Variants in GALNT13 observed in about 807,000 individuals in gnomAD.
The protein encoded by GALNT13 is UDP-GalNAc:polypeptide N-acetylgalactosaminyltransferase 13.
Under a neutral mutation model 64.2 loss-of-function variants are expected in GALNT13, and 28 were observed. The ratio of observed to expected loss-of-function variants is 0.44; its 90% confidence interval spans 0.32 to 0.60. GALNT13 has a LOEUF of 0.60. Ranked by LOEUF, GALNT13 falls within the 20% of genes least tolerant of loss-of-function variation. The pLI is 0.05. For missense variants in GALNT13, 577 were observed against 669.8 expected, an observed-to-expected ratio of 0.86 and a Z score of 1.53; for synonymous variants, 214 against 224.6, an observed-to-expected ratio of 0.95 and a Z score of 0.42.
the GALNT13 span, among the ~76,000 whole-genome samples, chr2:153,628,826 G>T: frequency 1.2e-4 from 19 of 152,146 alleles, 1 homozygote; most frequent in South Asian, 2.7e-3. Flanking sequence ...TTGTGTCTCT[G>T]CCTGGCTTTG....
the GALNT13 span, among the ~76,000 whole-genome samples, chr2:153,077,791 T>G: frequency 3.9e-5 from 6 of 152,106 alleles, no homozygotes; most frequent in Admixed American, 3.3e-4. Context: ...CTGAAAGAAG[T>G]TTAGTGTTCT....
the GALNT13 span, among the ~76,000 whole-genome samples, chr2:153,443,231 T>C: frequency 2.1e-4 from 32 of 152,164 alleles, no homozygotes; most frequent in Middle Eastern, 3.2e-3. Flanking sequence ...GTGGGAAAAG[T>C]GGAGTATCTG....
intron 9 of GALNT13, among the ~76,000 whole-genome samples, chr2:154,332,915 A>C (rs543849122): frequency 6.6e-6 from 1 of 151,514 alleles, no homozygotes; most frequent in Non-Finnish European, 1.5e-5. Context: ...AACACAAAAA[A>C]CCCATAGGTG....
the GALNT13 span, among the ~76,000 whole-genome samples, chr2:153,567,756 G>T: frequency 6.6e-6 from 1 of 151,866 alleles, no homozygotes; most frequent in East Asian, 1.9e-4. Context: ...TGCAAGAGAT[G>T]GTTATGAAAA....
chr2:154,368,251 T>A (rs187681356), intron 9 of GALNT13, among the ~76,000 whole-genome samples: 125 of 152,278 alleles, frequency 8.2e-4, no homozygotes, highest in Non-Finnish European at 1.4e-3. Flanking sequence ...CTACATATAT[T>A]TCTCTTTTAT....
the GALNT13 span, among the ~76,000 whole-genome samples, chr2:153,862,289 C>T: frequency 6.6e-6 from 1 of 152,030 alleles, no homozygotes; most frequent in African/African-American, 2.4e-5. Context: ...TAACTAAAGG[C>T]CTGGAAAAAA....
the GALNT13 span, among the ~76,000 whole-genome samples, chr2:153,656,047 T>C: frequency 3.3e-5 from 5 of 152,164 alleles, no homozygotes; most frequent in South Asian, 4.1e-4. Flanking sequence ...AAACTGTGAA[T>C]GGTATGTCTC....
At chr2:154,385,699 T>C (rs1698480518) in intron 9 of GALNT13, among the ~76,000 whole-genome samples, 1 of 151,984 alleles carries the variant, frequency 6.6e-6, no homozygotes, top group Admixed American at 6.6e-5. Context: ...TAATAGTTTA[T>C]CTGTTGTTCC....
chr2:154,234,551 G>A (rs1404358621), intron 4 of GALNT13, among the ~76,000 whole-genome samples: 1 of 151,880 alleles, frequency 6.6e-6, no homozygotes, highest in Non-Finnish European at 1.5e-5. Context: ...TGTTACAATT[G>A]GATGACTTGC....
At chr2:154,189,472 C>CAAAAAA (rs35557058) in intron 4 of GALNT13, among the ~76,000 whole-genome samples, 2 of 81,400 alleles carry the variant, frequency 2.5e-5, no homozygotes, top group Admixed American at 1.5e-4. Flanking sequence ...ACGTGCACAC[C>CAAAAAA]AAAAAAAAAA....
At chr2:153,837,536 T>G in the GALNT13 span, among the ~76,000 whole-genome samples, 1 of 152,132 alleles carries the variant, frequency 6.6e-6, no homozygotes, top group African/African-American at 2.4e-5. Flanking sequence ...TTATTCCACT[T>G]AGCATAATGT....
At position 154,077,817 on chromosome 2, in the gene GALNT13, T is replaced by C. The variant is rs190442811; in HGVS notation, c.143-62520T>C. On this transcript the variant is annotated intron_variant, in intron 3 of 12. Transcript: ENST00000392825. ...CAATAATGAAAGGTTAAGTAAATTA[T>C]GTCTGTCCACATGGGGGAAGGTTAC... Among the ~76,000 whole-genome samples, 372 of 151,702 alleles carry C rather than the reference T, an allele frequency of 2.5e-3. 4 individuals carry two copies. The highest frequency in any genetic ancestry group is 8.1e-3 in the African/African-American group (338 of 41,528).
chr2:153,671,746 C>A, the GALNT13 span, among the ~76,000 whole-genome samples: 2 of 152,082 alleles, frequency 1.3e-5, no homozygotes, highest in African/African-American at 2.4e-5. Flanking sequence ...AATTAAAAGA[C>A]ATAGACTGGC....
chr2:153,420,492 T>C, the GALNT13 span, among the ~76,000 whole-genome samples: 1 of 152,224 alleles, frequency 6.6e-6, no homozygotes, highest in Non-Finnish European at 1.5e-5. Flanking sequence ...TATTTTATTT[T>C]ATTTACTTCA....
intron 8 of GALNT13, among the ~76,000 whole-genome samples, chr2:154,298,149 A>C (rs776670880): frequency 3.9e-5 from 6 of 151,936 alleles, no homozygotes; most frequent in Non-Finnish European, 7.4e-5. Flanking sequence ...ATTTAAATAT[A>C]AATTTAAAGT....
intron 9 of GALNT13, among the ~76,000 whole-genome samples, chr2:154,364,318 C>T (rs1045499628): frequency 6.6e-6 from 1 of 152,130 alleles, no homozygotes; most frequent in East Asian, 1.9e-4. Flanking sequence ...ATATTTTTAA[C>T]CTAACTGTAT....
chr2:153,178,973 C>T, the GALNT13 span, among the ~76,000 whole-genome samples: 1 of 151,944 alleles, frequency 6.6e-6, no homozygotes, highest in African/African-American at 2.4e-5. Flanking sequence ...GATCTCCTGA[C>T]CTCAGGTGAT....
At chr2:153,393,968 A>T in the GALNT13 span, among the ~76,000 whole-genome samples, 13,570 of 122,966 alleles carry the variant, frequency 0.11, 659 homozygotes, top group South Asian at 0.15. Context: ...ACACACACAC[A>T]CACACACACA....
chr2:153,693,783 C>A, the GALNT13 span, among the ~76,000 whole-genome samples: 1 of 151,978 alleles, frequency 6.6e-6, no homozygotes, highest in Non-Finnish European at 1.5e-5. Context: ...GGCAGTTATG[C>A]ATTCATCTCA....
Sources: gnomAD v4.1 joint callset for allele counts (sites outside exome capture counted in the v4.1 genomes callset) on GRCh38, gnomAD v4.1.1 for gene constraint, MANE v1.5 for transcripts, NCBI Gene and HGNC (gene_info 2026-07-23, HGNC 2026-07-21) for gene names.